The following ALPK1 variants were observed in gnomAD, a reference collection of about 807,000 sequenced individuals.
The protein encoded by ALPK1 is alpha kinase 1.
In ALPK1, 110 loss-of-function variants were observed where a neutral mutation model predicts 120.6. The ratio of observed to expected loss-of-function variants is 0.91; its 90% CI spans 0.78 to 1.07. The LOEUF is 1.07. Among genes scored for constraint, ALPK1 ranks in the 50% least tolerant of loss-of-function variants. The pLI is 0.00. For synonymous variants in ALPK1, 582 were observed against 560.3 expected, an observed-to-expected ratio of 1.04 and a Z score of -0.55; for missense variants, 1,498 against 1,483.9, an observed-to-expected ratio of 1.01 and a Z score of -0.16.
At chr4:112,414,582 T>G in intron 5 of ALPK1, 1 of 177,144 alleles carries the variant, frequency 5.6e-6, no homozygotes. Flanking sequence ...TACTCCAGCC[T>G]GGGGCACAAG....
chr4:112,380,778 T>C (rs1731866571), intron 3 of ALPK1, among the ~76,000 whole-genome samples: 1 of 152,338 alleles, frequency 6.6e-6, no homozygotes, highest in Non-Finnish European at 1.5e-5. Context: ...TCACCCATCA[T>C]GATGTGACTT....
Position 112,430,930 on chromosome 4 carries a change from G to A in ALPK1, c.1383G>A (p.Gln461=), listed in dbSNP as rs761222642. 3.1e-6 allele frequency: 5 copies of A among 1,614,144 alleles called. No individual in the cohort carries two copies. The highest frequency in any genetic ancestry group is 4.2e-6 in the Non-Finnish European group (5 of 1,179,996). ...DFQKILDTYS[Q]HHTSVCEVFE... is the part of the protein sequence containing the mutation. ...AAAAAATCCTTGACACCTATTCACA[G>A]CACCATACTTCGGTGTGTGAAGTAT... The change falls in exon 11 of 16, where the codon CAG becomes CAA. Residue 461 remains glutamine, a synonymous_variant. Coordinates refer to ENST00000650871, the MANE Select transcript of ALPK1 (RefSeq NM_025144.4).
chr4:112,351,045 A>C (rs765806886), intron 2 of ALPK1, among the ~76,000 whole-genome samples: 1 of 152,204 alleles, frequency 6.6e-6, no homozygotes, highest in Non-Finnish European at 1.5e-5. Context: ...TTGACCTGAG[A>C]TGTCGCTCTT....
At chr4:112,412,395 G>A (rs771444849) in intron 5 of ALPK1, 23 of 468,862 alleles carry the variant, frequency 4.9e-5, no homozygotes, top group Non-Finnish European at 6.4e-5. Flanking sequence ...TTTTCTCTTC[G>A]CTCTCCTGTC....
At chr4:112,438,400 T>A in intron 12 of ALPK1, 84 bp from the exon 13 acceptor site, 2 of 1,265,388 alleles carry the variant, frequency 1.6e-6, no homozygotes, top group South Asian at 2.8e-5. Context: ...CATTTCTGCA[T>A]ATGTCTTTTG....
At chr4:112,372,180 A>C (rs191253852) in intron 2 of ALPK1, among the ~76,000 whole-genome samples, 1 of 149,018 alleles carries the variant, frequency 6.7e-6, no homozygotes, top group African/African-American at 2.5e-5. Flanking sequence ...ATTTACTTCA[A>C]TTTGTCAATA....
intron 14 of ALPK1, among the ~76,000 whole-genome samples, chr4:112,440,176 TATATTTCGTTGC>T (rs1451480575): frequency 6.6e-6 from 1 of 152,188 alleles, no homozygotes; most frequent in African/African-American, 2.4e-5. Flanking sequence ...TTGAGTGATG[TATATTTCGTTGC>T]ATTTTTTTCA....
At chr4:112,320,428 C>A (rs1023002998) in intron 2 of ALPK1, among the ~76,000 whole-genome samples, 6 of 152,074 alleles carry the variant, frequency 3.9e-5, no homozygotes, top group Non-Finnish European at 8.8e-5. Flanking sequence ...TTTTTATATG[C>A]TGTTGAATTC....
chr4:112,347,631 G>A (rs1267360928), intron 2 of ALPK1, among the ~76,000 whole-genome samples: 1 of 152,158 alleles, frequency 6.6e-6, no homozygotes, highest in Non-Finnish European at 1.5e-5. Context: ...AGTTGTTTCT[G>A]TGGGTTGAAA....
At chr4:112,335,569 A>G (rs1006424709) in intron 2 of ALPK1, among the ~76,000 whole-genome samples, 2 of 152,160 alleles carry the variant, frequency 1.3e-5, no homozygotes, top group Admixed American at 1.3e-4. Flanking sequence ...ACAGGGACTA[A>G]TATCTGTGTG....
chr4:112,298,139 A>G (rs76236281), intron 1 of ALPK1, among the ~76,000 whole-genome samples: 2,091 of 152,290 alleles, frequency 0.014, 43 homozygotes, highest in African/African-American at 0.047. Context: ...GCCACAAATT[A>G]AAACCTTTAA....
chr4:112,305,601 G>T (rs1405576419), intron 1 of ALPK1, among the ~76,000 whole-genome samples: 1 of 152,100 alleles, frequency 6.6e-6, no homozygotes, highest in Non-Finnish European at 1.5e-5. Context: ...CATTGATTTT[G>T]TATCCTGAGA....
chr4:112,372,373 C>T (rs1443848593), intron 2 of ALPK1, among the ~76,000 whole-genome samples: 2 of 151,914 alleles, frequency 1.3e-5, no homozygotes, highest in East Asian at 1.9e-4. Flanking sequence ...CCACCACACC[C>T]GGCTAATTTT....
At chr4:112,433,681 C>T (rs1448702200) in intron 11 of ALPK1, among the ~76,000 whole-genome samples, 2 of 152,112 alleles carry the variant, frequency 1.3e-5, no homozygotes, top group South Asian at 2.1e-4. Context: ...CCAGGAATCA[C>T]ATCAAAATGC....
chr4:112,332,443 A>T (rs991383522), intron 2 of ALPK1, among the ~76,000 whole-genome samples: 1 of 152,208 alleles, frequency 6.6e-6, no homozygotes, highest in African/African-American at 2.4e-5. Flanking sequence ...TTTTTCTCTT[A>T]TCCTTAGTCA....
At chr4:112,422,236 C>T (rs1734031079) in intron 5 of ALPK1, among the ~76,000 whole-genome samples, 1 of 152,166 alleles carries the variant, frequency 6.6e-6, no homozygotes, top group Middle Eastern at 3.2e-3. Context: ...TATTTTTGGA[C>T]TGTGGTTGAC....
chr4:112,432,064 C>T lies in ALPK1; in HGVS notation c.2517C>T (p.Val839=), dbSNP rs757488837. 11 of 1,613,904 alleles carry T rather than the reference C, an allele frequency of 6.8e-6. No individual in the cohort carries two copies. The highest frequency in any genetic ancestry group is 2.2e-5 in the East Asian group (1 of 44,880). ...NPDSRKSGGP[V]AEQGIDPDAS... ...ACTCCAGAAAAAGTGGTGGCCCAGT[C>T]GCAGAGCAGGGCATCGACCCTGATG... The change falls in exon 11 of 16, where the codon GTC becomes GTT. Residue 839 remains valine, a synonymous_variant. Transcript: ENST00000650871.
intron 2 of ALPK1, among the ~76,000 whole-genome samples, chr4:112,371,583 C>T (rs748718691): frequency 1.3e-4 from 20 of 152,314 alleles, no homozygotes; most frequent in Non-Finnish European, 2.8e-4. Context: ...CTCCCTTGAT[C>T]TGCCCTAGCT....
At chr4:112,396,005 T>C (rs1247212060) in intron 4 of ALPK1, among the ~76,000 whole-genome samples, 1 of 152,184 alleles carries the variant, frequency 6.6e-6, no homozygotes, top group Non-Finnish European at 1.5e-5. Context: ...CCATTCAAAC[T>C]CTTCATTTGG....
Sources: allele counts gnomAD v4.1 joint callset (sites outside exome capture counted in the v4.1 genomes callset), GRCh38; gene constraint gnomAD v4.1.1; transcripts MANE v1.5; gene names NCBI Gene and HGNC (gene_info 2026-07-23, HGNC 2026-07-21).